Variants in SCHIP1 observed in about 807,000 individuals in gnomAD.
SCHIP1 encodes the protein schwannomin interacting protein 1.
In SCHIP1, 8 loss-of-function variants were observed where a neutral mutation model predicts 29.7. That is an observed-to-expected ratio of 0.27 (90% confidence interval 0.16 to 0.49). SCHIP1 has a LOEUF of 0.49. SCHIP1 is among the 20% of genes least tolerant of loss of function. The probability of loss-of-function intolerance (pLI) is 0.99; values close to 1 mark genes in which losing one functional copy is unlikely to be tolerated. For missense variants in SCHIP1, 193 were observed against 294.6 expected (o/e 0.66, Z 2.52); for synonymous variants, 76 against 94.9 (o/e 0.80, Z 1.16).
the SCHIP1 span, among the ~76,000 whole-genome samples, chr3:159,352,110 G>A: frequency 2.6e-5 from 4 of 152,200 alleles, no homozygotes; most frequent in Non-Finnish European, 5.9e-5. Context: ...TGCTTATGGG[G>A]TCATTATGGG....
At chr3:159,626,170 ATC>A in the SCHIP1 span, among the ~76,000 whole-genome samples, 39 of 54,854 alleles carry the variant, frequency 7.1e-4, 3 homozygotes, top group East Asian at 8.6e-3. Flanking sequence ...ATCTAGATAT[ATC>A]TATCTATCTA....
chr3:159,804,485 A>G, the SCHIP1 span, among the ~76,000 whole-genome samples: 2 of 152,262 alleles, frequency 1.3e-5, no homozygotes, highest in East Asian at 3.8e-4. Context: ...CCATGAGTAT[A>G]CAATGTCTTC....
chr3:159,655,625 C>G, the SCHIP1 span, among the ~76,000 whole-genome samples: 2 of 152,142 alleles, frequency 1.3e-5, no homozygotes, highest in African/African-American at 4.8e-5. Context: ...CGTGGTGGCT[C>G]ACACCTGTAA....
the SCHIP1 span, among the ~76,000 whole-genome samples, chr3:159,679,007 G>A: frequency 6.6e-6 from 1 of 152,220 alleles, no homozygotes; most frequent in Non-Finnish European, 1.5e-5. Context: ...TGGGGACCCA[G>A]AGCCAAACCA....
chr3:159,471,831 A>G, the SCHIP1 span, among the ~76,000 whole-genome samples: 1 of 152,176 alleles, frequency 6.6e-6, no homozygotes, highest in South Asian at 2.1e-4. Context: ...CCATTTTAAT[A>G]TGGTAAATAT....
chr3:159,652,047 G>C, the SCHIP1 span, among the ~76,000 whole-genome samples: 1 of 151,934 alleles, frequency 6.6e-6, no homozygotes, highest in African/African-American at 2.4e-5. Flanking sequence ...AGTGAGCCCA[G>C]ATTGTGCCAC....
At chr3:159,638,269 C>T in the SCHIP1 span, among the ~76,000 whole-genome samples, 7 of 152,218 alleles carry the variant, frequency 4.6e-5, no homozygotes, top group African/African-American at 1.2e-4. Flanking sequence ...AGCTCTGTCA[C>T]TCTACAAGAT....
the SCHIP1 span, among the ~76,000 whole-genome samples, chr3:159,626,236 A>ATATCTATCTATC: frequency 1.1e-5 from 1 of 92,176 alleles, no homozygotes; most frequent in Non-Finnish European, 2.1e-5. Flanking sequence ...ATATCTAGAT[A>ATATCTATCTATC]TATCTATCTA....
chr3:159,383,419 G>C, the SCHIP1 span, among the ~76,000 whole-genome samples: 1 of 151,514 alleles, frequency 6.6e-6, no homozygotes. Flanking sequence ...GATAGTTGTA[G>C]ATATGCGGCG....
chr3:159,361,572 C>T, the SCHIP1 span, among the ~76,000 whole-genome samples: 1 of 152,146 alleles, frequency 6.6e-6, no homozygotes, highest in Non-Finnish European at 1.5e-5. Context: ...TTTGAGAAGA[C>T]AAAATGCTTG....
At chr3:159,677,790 T>C in the SCHIP1 span, among the ~76,000 whole-genome samples, 1 of 152,192 alleles carries the variant, frequency 6.6e-6, no homozygotes, top group Admixed American at 6.5e-5. Flanking sequence ...TCAACAGTTT[T>C]AATGAACACA....
At chr3:159,465,846 T>C in the SCHIP1 span, among the ~76,000 whole-genome samples, 5 of 152,296 alleles carry the variant, frequency 3.3e-5, no homozygotes, top group East Asian at 9.7e-4. Flanking sequence ...AGAAGATGAA[T>C]AGATTCATTT....
the SCHIP1 span, among the ~76,000 whole-genome samples, chr3:159,600,463 GGT>G: frequency 6.6e-6 from 1 of 152,070 alleles, no homozygotes; most frequent in Non-Finnish European, 1.5e-5. Flanking sequence ...TCTTCTACAT[GGT>G]CTAGCATATT....
the SCHIP1 span, among the ~76,000 whole-genome samples, chr3:159,661,140 A>T: frequency 6.6e-6 from 1 of 152,194 alleles, no homozygotes; most frequent in Admixed American, 6.5e-5. Flanking sequence ...GTATGCAAAA[A>T]GGGGGCAATA....
the SCHIP1 span, among the ~76,000 whole-genome samples, chr3:159,806,922 G>A: frequency 6.6e-6 from 1 of 152,222 alleles, no homozygotes; most frequent in Non-Finnish European, 1.5e-5. Flanking sequence ...AAACCACACT[G>A]TAACATTGTG....
chr3:159,874,203 C>CATACAT (rs548419963), intron 2 of SCHIP1, among the ~76,000 whole-genome samples: 3 of 152,294 alleles, frequency 2.0e-5, no homozygotes, highest in African/African-American at 7.2e-5. Context: ...AACTTATTTA[C>CATACAT]ATACATATAC....
In SCHIP1 at chr3:159,875,366, AT is replaced by A. The variant is rs199599141; in HGVS notation, c.149+9094del. ...TAACCAGCTGTACCCTGTCTTATGAATTTTTTTTTATCACCAATGAGAATTC... is the reference window on the plus strand; with the variant it reads ...TAACCAGCTGTACCCTGTCTTATGAATTTTTTTTATCACCAATGAGAATTC... On this transcript the variant is annotated intron_variant, in intron 2 of 6. Coordinates refer to ENST00000445224, the Ensembl canonical transcript of SCHIP1. 1.3e-4 allele frequency among the ~76,000 whole-genome samples: 19 copies of A among 151,876 alleles called. No individual in the cohort carries two copies. In the East Asian group the frequency reaches 2.1e-3, roughly 17 times the overall value.
At chr3:159,636,863 A>T in the SCHIP1 span, among the ~76,000 whole-genome samples, 3 of 152,170 alleles carry the variant, frequency 2.0e-5, no homozygotes, top group Non-Finnish European at 2.9e-5. Context: ...AAAATAAACA[A>T]TTTTCAAAGA....
At chr3:159,795,708 A>G in the SCHIP1 span, among the ~76,000 whole-genome samples, 1 of 152,318 alleles carries the variant, frequency 6.6e-6, no homozygotes, top group Non-Finnish European at 1.5e-5. Context: ...CTGGGTCCTG[A>G]AAAATAATTA....
Sources: allele counts gnomAD v4.1 joint callset (sites outside exome capture counted in the v4.1 genomes callset), GRCh38; gene constraint gnomAD v4.1.1; transcripts MANE v1.5; gene names NCBI Gene and HGNC (gene_info 2026-07-23, HGNC 2026-07-21).